NLRP7: variants seen among roughly 807,000 people sequenced by gnomAD.
NLRP7 encodes the protein NACHT, LRR and PYD domains-containing protein 7.
A neutral mutation model predicts 85.5 loss-of-function variants in NLRP7; 72 were observed. That is an observed-to-expected ratio of 0.84 (90% confidence interval 0.70 to 1.02). The LOEUF (loss-of-function observed/expected upper bound fraction) is 1.02. Ranked by LOEUF, NLRP7 falls within the 50% of genes least tolerant of loss-of-function variation. The pLI, the probability that NLRP7 is intolerant of heterozygous loss-of-function variation, is 0.00. For missense variants in NLRP7, 1,243 were observed against 1,219.5 expected (o/e 1.02, Z -0.29); for synonymous variants, 550 against 505.2 (o/e 1.09, Z -1.19).
intron 4 of NLRP7, among the ~76,000 whole-genome samples, 161 bp from the exon 5 acceptor site, chr19:54,938,402 T>C (rs550448769): frequency 1.3e-5 from 2 of 151,952 alleles, no homozygotes; most frequent in African/African-American, 4.8e-5. Flanking sequence ...GCTACCAGTA[T>C]AGATCTTAAG....
At chr19:54,953,145 A>G (rs771309911) in intron 1 of NLRP7, 1 of 152,182 alleles carries the variant, frequency 6.6e-6, no homozygotes, top group Non-Finnish European at 1.5e-5. Flanking sequence ...ACAGGTCATA[A>G]GGACCTTGCT....
chr19:54,925,412 TATAA>T (rs2068387652), intron 9 of NLRP7, among the ~76,000 whole-genome samples: 1 of 152,206 alleles, frequency 6.6e-6, no homozygotes, highest in Admixed American at 6.6e-5. Flanking sequence ...TTGAGCAGGA[TATAA>T]ATAACTCCCA....
chr19:54,936,712 C>T (rs1406940768), intron 5 of NLRP7, among the ~76,000 whole-genome samples: 3 of 151,910 alleles, frequency 2.0e-5, no homozygotes, highest in Admixed American at 1.3e-4. Context: ...GTCAGGAGTT[C>T]GAGACCAGCC....
At chr19:54,927,045 G>A (rs1054577189) in intron 9 of NLRP7, among the ~76,000 whole-genome samples, 17 of 151,806 alleles carry the variant, frequency 1.1e-4, no homozygotes, top group African/African-American at 3.1e-4. Context: ...AGTCAAGATC[G>A]CGCCACTGCA....
chr19:54,962,707 C>T (rs1253560086), intron 1 of NLRP7, among the ~76,000 whole-genome samples: 6 of 151,340 alleles, frequency 4.0e-5, no homozygotes, highest in Non-Finnish European at 1.5e-5. Context: ...TCACGCCATT[C>T]TCCTGCCTCA....
chr19:54,939,619 G>C (rs1360745722), exon 4 of NLRP7: 1 of 1,610,876 alleles, frequency 6.2e-7, no homozygotes, highest in East Asian at 2.2e-5. Flanking sequence ...GCGGGAACCG[G>C]CTGCAGAGGA....
At chr19:54,943,339 C>T (rs923311515) in intron 1 of NLRP7, among the ~76,000 whole-genome samples, 4 of 151,262 alleles carry the variant, frequency 2.6e-5, no homozygotes, top group African/African-American at 7.3e-5. Context: ...CGGTGGCTCA[C>T]GCCTGTAATC....
intron 1 of NLRP7, among the ~76,000 whole-genome samples, chr19:54,952,562 C>G (rs1298344549): frequency 6.6e-6 from 1 of 151,002 alleles, no homozygotes; most frequent in Non-Finnish European, 1.5e-5. Context: ...CCACTGCACT[C>G]CAGCCTGGGT....
In NLRP7 at chr19:54,940,467, C is replaced by A. The variant is rs756366855; in HGVS notation, c.353-1G>T. ...GAATTTCTCCATCCTTCCTTTTCAC[C>A]TGCAGTGACAGCCCATAGGACAGTT... On this transcript the variant is annotated splice_acceptor_variant, in intron 3 of 9. Coordinates refer to ENST00000340844, the Ensembl canonical transcript of NLRP7. LOFTEE classifies it high-confidence loss of function. 2.5e-6 allele frequency: 4 copies of A among 1,613,704 alleles called. No homozygotes were observed. The highest frequency in any genetic ancestry group is 3.4e-6 in the Non-Finnish European group (4 of 1,179,866).
chr19:54,964,824 AAAAAT>A (rs939225314), intron 1 of NLRP7, among the ~76,000 whole-genome samples: 1 of 127,882 alleles, frequency 7.8e-6, no homozygotes, highest in African/African-American at 3.0e-5. Flanking sequence ...AGACTCCATT[AAAAAT>A]AAAATAATAA....
intron 1 of NLRP7, chr19:54,953,299 G>A (rs2069731250): frequency 6.6e-6 from 1 of 152,192 alleles, no homozygotes; most frequent in Admixed American, 6.6e-5. Context: ...AGCAATTCCT[G>A]TCCCTTTTAA....
intron 8 of NLRP7, among the ~76,000 whole-genome samples, chr19:54,931,418 G>A (rs935896553): frequency 6.6e-6 from 1 of 152,048 alleles, no homozygotes; most frequent in Non-Finnish European, 1.5e-5. Context: ...AGCTGGGCAC[G>A]ATGGCTCACA....
upstream of NLRP7, chr19:54,947,939 A>G (rs569621137): frequency 4.2e-5 from 11 of 262,436 alleles, no homozygotes; most frequent in Admixed American, 4.0e-4. Flanking sequence ...TACAAATACA[A>G]TAAGTCTACT....
Position 54,934,576 on chromosome 19 carries a change from C to T in NLRP7, c.2384G>A (p.Arg795His), listed in dbSNP as rs200965650. Residue 795 changes from arginine to histidine, a missense_variant, in exon 7 of 10, where the codon CGT (arginine) becomes CAT (histidine). By Grantham distance (29) the Arg-to-His change is conservative (BLOSUM62 0). This residue lies in a region of NLRP7 where 613 missense variants were observed against 588.4 expected (regional missense o/e 1.04). Transcript: ENST00000340844. This position sits in a 1 kb window ranked among gnomAD's most constrained non-coding sequence, Gnocchi z 6.7. ...ATCCAGGAGCACATTGGCTGAGAGA[C>T]GCAGGTGCTTCAGGGACTGGTTGGC... The T allele has an allele frequency of 1.4e-4, 229 of 1,614,080 alleles. 1 individual carries two copies. Among genetic ancestry groups the T allele is most frequent in the South Asian group, 7.5e-4 (68 of 91,084 alleles).
chr19:54,941,106 G>A (rs559367892), intron 2 of NLRP7, 101 bp from the exon 3 acceptor site: 28 of 900,922 alleles, frequency 3.1e-5, no homozygotes, highest in South Asian at 2.0e-4. Flanking sequence ...GCTCATGCCT[G>A]TAATCACAGC....
exon 2 of NLRP7, chr19:54,941,675 G>C (rs958487132): frequency 6.2e-7 from 1 of 1,613,328 alleles, no homozygotes; most frequent in East Asian, 2.2e-5. Flanking sequence ...TGCTCCAGAA[G>C]GGTCTGCAGA....
At chr19:54,942,769 C>T (rs2069290236) in intron 1 of NLRP7, among the ~76,000 whole-genome samples, 1 of 152,110 alleles carries the variant, frequency 6.6e-6, no homozygotes, top group Admixed American at 6.6e-5. Context: ...TTCCTCGCCA[C>T]CAACCCTCAG....
intron 9 of NLRP7, among the ~76,000 whole-genome samples, chr19:54,924,852 C>G (rs1310705033): frequency 6.6e-6 from 1 of 152,094 alleles, no homozygotes; most frequent in Non-Finnish European, 1.5e-5. Context: ...AGGAGAATCG[C>G]TTTGAACCTG....
At position 54,941,429 on chromosome 19, in the gene NLRP7, A is replaced by G. The variant is rs2069218826; in HGVS notation, c.277+6T>C. On this transcript the variant is annotated splice_donor_region_variant and intron_variant, in intron 2 of 9. Transcript: ENST00000340844. ...AAATGACCAGGACACCCCAGGTTCT[A>G]CTTACCCATCATCTCAGCCTTTGCC... 6.5e-7 allele frequency: 1 copy of G among 1,533,112 alleles called. No homozygotes were observed. Among genetic ancestry groups the G allele is most frequent in the Non-Finnish European group, 9.0e-7 (1 of 1,109,438 alleles). The allele number at this position is 1,533,112 out of a possible 1,614,324, so 95.0% of individuals were successfully genotyped here.
Sources: allele counts gnomAD v4.1 joint callset (sites outside exome capture counted in the v4.1 genomes callset), GRCh38; gene constraint gnomAD v4.1.1; regional missense constraint gnomAD v4.1.1; non-coding constraint Gnocchi (gnomAD v3.1); transcripts MANE v1.5; gene names NCBI Gene and HGNC (gene_info 2026-07-23, HGNC 2026-07-21).